ARHGAP10: variants seen among roughly 807,000 people sequenced by gnomAD.
ARHGAP10 encodes Rho GTPase activating protein 10.
A neutral mutation model predicts 108.6 loss-of-function variants in ARHGAP10; 87 were observed. The observed-to-expected ratio is 0.80, with a 90% confidence interval of 0.67 to 0.96. ARHGAP10 has a LOEUF of 0.96. Among genes scored for constraint, ARHGAP10 ranks in the 40% least tolerant of loss-of-function variants. ARHGAP10 has a pLI of 0.00. For synonymous variants in ARHGAP10, 347 were observed against 341.1 expected (o/e 1.02, Z -0.19); for missense variants, 939 against 954.5 (o/e 0.98, Z 0.21).
intron 1 of ARHGAP10, among the ~76,000 whole-genome samples, chr4:147,819,802 G>T (rs116342460): frequency 3.3e-5 from 5 of 152,150 alleles, no homozygotes; most frequent in African/African-American, 1.2e-4. Flanking sequence ...TAGGTGATCC[G>T]CCCGTCTCGG....
intron 3 of ARHGAP10, among the ~76,000 whole-genome samples, chr4:147,832,664 A>AAG (rs70958588): frequency 6.7e-6 from 1 of 148,380 alleles, no homozygotes; most frequent in African/African-American, 2.5e-5. Context: ...AAAAAAAAAA[A>AAG]GGAAATTGGA....
At chr4:147,843,109 T>C (rs1733482805) in intron 3 of ARHGAP10, among the ~76,000 whole-genome samples, 1 of 152,216 alleles carries the variant, frequency 6.6e-6, no homozygotes, top group South Asian at 2.1e-4. Flanking sequence ...CCGTTTGTAC[T>C]GGGCACCCCT....
chr4:147,769,267 C>G (rs1729971885), intron 1 of ARHGAP10, among the ~76,000 whole-genome samples: 1 of 151,936 alleles, frequency 6.6e-6, no homozygotes, highest in African/African-American at 2.4e-5. Context: ...ATCCTAATTA[C>G]CACCAATGAA....
chr4:147,786,562 T>C (rs773587656), intron 1 of ARHGAP10, among the ~76,000 whole-genome samples: 2 of 152,150 alleles, frequency 1.3e-5, no homozygotes, highest in Non-Finnish European at 2.9e-5. Flanking sequence ...CCATGAAACG[T>C]TGAGTTTCAA....
At chr4:147,884,257 T>C (rs575751345) in intron 10 of ARHGAP10, among the ~76,000 whole-genome samples, 2 of 152,178 alleles carry the variant, frequency 1.3e-5, no homozygotes, top group Non-Finnish European at 2.9e-5. Flanking sequence ...CTAGCTATGA[T>C]TGGAACCACT....
chr4:147,906,518 G>A, intron 10 of ARHGAP10, 120 bp from the exon 11 acceptor site: 3 of 857,388 alleles, frequency 3.5e-6, no homozygotes, highest in African/African-American at 1.7e-5. Context: ...TAAATTTTAG[G>A]TTACATGTAT....
At chr4:147,745,890 G>A (rs1578993557) in intron 1 of ARHGAP10, among the ~76,000 whole-genome samples, 1 of 148,598 alleles carries the variant, frequency 6.7e-6, no homozygotes, top group African/African-American at 2.5e-5. Flanking sequence ...AGGTTCAAGC[G>A]ATTCTCCTGC....
chr4:147,873,708 A>ACACACACACACACACG (rs1196985483), intron 7 of ARHGAP10, among the ~76,000 whole-genome samples: 4 of 150,230 alleles, frequency 2.7e-5, no homozygotes, highest in African/African-American at 9.8e-5. Flanking sequence ...ACACACACAC[A>ACACACACACACACACG]CACACACACA....
chr4:147,817,087 A>G (rs899941236), intron 1 of ARHGAP10, among the ~76,000 whole-genome samples: 2 of 152,216 alleles, frequency 1.3e-5, no homozygotes, highest in Non-Finnish European at 2.9e-5. Context: ...ATCTATTATG[A>G]TTTATAAAGA....
chr4:147,814,694 T>G (rs1290539650), intron 1 of ARHGAP10, among the ~76,000 whole-genome samples: 3 of 152,230 alleles, frequency 2.0e-5, no homozygotes, highest in Non-Finnish European at 4.4e-5. Flanking sequence ...TGAGCGTAAC[T>G]TCCATGATCT....
chr4:147,957,861 T>A (rs1738847469), intron 16 of ARHGAP10, among the ~76,000 whole-genome samples: 1 of 152,224 alleles, frequency 6.6e-6, no homozygotes, highest in African/African-American at 2.4e-5. Flanking sequence ...TTGTTTTATG[T>A]TCCTTGTTCT....
At chr4:148,071,964 G>T in intron 22 of ARHGAP10, 29 bp from the exon 23 acceptor site, 1 of 1,603,580 alleles carries the variant, frequency 6.2e-7, no homozygotes, top group Non-Finnish European at 8.5e-7. Context: ...GGGGCATTTT[G>T]TAAAAGTGAT....
chr4:147,870,678 G>A (rs1360548725), intron 7 of ARHGAP10, among the ~76,000 whole-genome samples: 2 of 151,884 alleles, frequency 1.3e-5, no homozygotes, highest in African/African-American at 4.8e-5. Context: ...AAGAAATTTG[G>A]AAATTGCCTC....
chr4:147,857,469 T>C, intron 4 of ARHGAP10, 84 bp from the exon 5 acceptor site: 6 of 1,248,246 alleles, frequency 4.8e-6, no homozygotes, highest in Non-Finnish European at 6.3e-6. Context: ...TTTTCAGATA[T>C]TTTTCATAAT....
intron 1 of ARHGAP10, among the ~76,000 whole-genome samples, chr4:147,798,253 C>T (rs17023836): frequency 0.034 from 5,205 of 152,002 alleles, 108 homozygotes; most frequent in South Asian, 0.097. Context: ...CCCAAAATAT[C>T]GGTACCTGCC....
intron 18 of ARHGAP10, among the ~76,000 whole-genome samples, chr4:148,014,620 A>G (rs569978982): frequency 1.1e-4 from 17 of 152,346 alleles, no homozygotes; most frequent in African/African-American, 4.1e-4. Flanking sequence ...GAAGCAGGGC[A>G]CTGATGTTGC....
At chr4:148,057,477 G>C (rs1335555543) in intron 20 of ARHGAP10, among the ~76,000 whole-genome samples, 2 of 152,126 alleles carry the variant, frequency 1.3e-5, no homozygotes, top group Non-Finnish European at 2.9e-5. Flanking sequence ...TTTCTGAGAT[G>C]GTCTTCTCAT....
At position 147,847,215 on chromosome 4, in the gene ARHGAP10, C is replaced by T; in HGVS notation, c.377C>T (p.Ala126Val). 1 of 1,611,716 alleles carries T rather than the reference C, an allele frequency of 6.2e-7. No individual in the cohort carries two copies. The highest frequency in any genetic ancestry group is 1.1e-5 in the South Asian group (1 of 91,002). ...LEKFRKEQLG[A>V]VKEEKKKFDK... is the part of the protein sequence containing the mutation. ...AAATTCAGAAAAGAGCAACTTGGAG[C>T]TGTAAAGGTTTGTGTCTAATTTGAA... Residue 126 changes from alanine to valine, a missense_variant, in exon 4 of 23, where the codon GCT becomes GTT. Physicochemically the swap from Ala to Val is moderately conservative, Grantham distance 64. Transcript: ENST00000336498.
At chr4:147,970,662 C>T (rs1043098382) in intron 18 of ARHGAP10, among the ~76,000 whole-genome samples, 3 of 152,142 alleles carry the variant, frequency 2.0e-5, no homozygotes, top group South Asian at 2.1e-4. Context: ...AGATGAATTT[C>T]GGAGTTAGAA....
Sources: gnomAD v4.1 joint callset for allele counts (sites outside exome capture counted in the v4.1 genomes callset) on GRCh38, gnomAD v4.1.1 for gene constraint, MANE v1.5 for transcripts, NCBI Gene and HGNC (gene_info 2026-07-23, HGNC 2026-07-21) for gene names.